L3MBTL2: variants seen among roughly 807,000 people sequenced by gnomAD.
The protein encoded by L3MBTL2 is L3MBTL histone methyl-lysine binding protein 2.
In L3MBTL2, 49 loss-of-function variants were observed where a neutral mutation model predicts 86.4. The ratio of observed to expected loss-of-function variants is 0.57; its 90% CI spans 0.45 to 0.72. The LOEUF (loss-of-function observed/expected upper bound fraction) is 0.72, where lower values mean the gene tolerates loss of function less well. L3MBTL2 is among the 30% of genes least tolerant of loss of function. The pLI, the probability that L3MBTL2 is intolerant of heterozygous loss-of-function variation, is 0.00. For missense variants in L3MBTL2, 755 were observed against 923.7 expected (o/e 0.82, Z 2.37); for synonymous variants, 336 against 350.6 (o/e 0.96, Z 0.47).
intron 1 of L3MBTL2, among the ~76,000 whole-genome samples, chr22:41,206,915 G>A (rs1292786139): frequency 1.3e-5 from 2 of 152,130 alleles, no homozygotes; most frequent in East Asian, 3.9e-4. Context: ...TAATCATGTG[G>A]AGAATAAGAA....
At position 41,209,800 on chromosome 22, in the gene L3MBTL2, G is replaced by A; in HGVS notation, c.129G>A (p.Glu43=). ...FRSYNSSVGS[E]SSSYLEESSE... is the part of the protein sequence containing the mutation. ...GTTATAACAGCAGTGTGGGCAGTGAGAGCAGCTCCTATCTGGAGGAGTCAA... is the reference window on the plus strand; with the variant it reads ...GTTATAACAGCAGTGTGGGCAGTGAAAGCAGCTCCTATCTGGAGGAGTCAA... The change falls in exon 2 of 17, where the codon GAG becomes GAA. Residue 43 remains glutamate, a synonymous_variant. Coordinates refer to ENST00000216237, the MANE Select transcript of L3MBTL2 (RefSeq NM_031488.5). 5 of 1,614,232 alleles carry A rather than the reference G, an allele frequency of 3.1e-6. No individual in the cohort carries two copies. Among genetic ancestry groups the A allele is most frequent in the Admixed American group, 1.7e-5 (1 of 60,012 alleles).
intron 15 of L3MBTL2, among the ~76,000 whole-genome samples, chr22:41,229,019 A>G (rs1362748269): frequency 6.6e-6 from 1 of 152,126 alleles, no homozygotes; most frequent in Admixed American, 6.5e-5. Context: ...GCACTTTGAG[A>G]GGCTGAGGTG....
rs141223031 is a variant in L3MBTL2, at chr22:41,213,334, CTTTTT to C, written c.263-555_263-551del. Among the ~76,000 whole-genome samples the C allele has an allele frequency of 9.8e-3, 1,488 of 151,814 alleles. 30 individuals carry two copies. Among genetic ancestry groups the C allele is most frequent in the African/African-American group, 0.034 (1,407 of 41,392 alleles). On this transcript the variant is annotated intron_variant, in intron 2 of 16. Coordinates refer to ENST00000216237, the MANE Select transcript of L3MBTL2 (RefSeq NM_031488.5). ...CTTTTTCTTCCTATAAATTTTTTCG[CTTTTT>C]TTTGAGACAGTGTCTTACTTTGTTG... is the stretch of plus-strand genomic sequence containing the variant.
In L3MBTL2 at chr22:41,225,804, A is replaced by T; in HGVS notation, c.1367A>T (p.Asp456Val). 1 of 1,611,816 alleles carries T rather than the reference A, an allele frequency of 6.2e-7. No individual in the cohort carries two copies. The highest frequency in any genetic ancestry group is 2.2e-5 in the East Asian group (1 of 44,774). ...CCCCCCACCCCCCAGGTTCTCCTGG[A>T]TGGATACCTGATGATCTGTGTGGAC... ...CVATVCKVLL[D>V]GYLMICVDGG... The change falls in exon 12 of 17, where the codon GAT becomes GTT. Residue 456 changes from aspartate (D) to valine (V), a missense_variant. Transcript: ENST00000216237. This position sits in a 1 kb window ranked among gnomAD's most constrained non-coding sequence, Gnocchi z 4.1.
At position 41,225,695 on chromosome 22, in the gene L3MBTL2, G is replaced by A. The variant is rs2032133970; in HGVS notation, c.1357-99G>A. 7.6e-7 allele frequency: 1 copy of A among 1,307,724 alleles called. No individual in the cohort carries two copies. The highest frequency in any genetic ancestry group is 1.4e-5 in the South Asian group (1 of 69,882). 81.0% of individuals were successfully genotyped at this position (1,307,724 alleles called of 1,614,324 possible). A position where few individuals can be genotyped will look rare whatever the true frequency, so the allele number is the denominator to read the frequency against. ...GGAGGGCCATGCCCTAGATCCGTTT[G>A]GATCCATTTGCCTCGTGTCCCTATT... On this transcript the variant is annotated intron_variant, in intron 11 of 16. Transcript: ENST00000216237. This position sits in a 1 kb window ranked among gnomAD's most constrained non-coding sequence, Gnocchi z 4.1.
intron 7 of L3MBTL2, 52 bp downstream of exon 7, chr22:41,220,920 G>GGACTCTCCCTCTACCA: frequency 6.3e-7 from 1 of 1,578,340 alleles, no homozygotes; most frequent in Non-Finnish European, 8.7e-7. Flanking sequence ...CCCTGGTAGA[G>GGACTCTCCCTCTACCA]GGAGAGTCCT....
Position 41,225,689 on chromosome 22 carries a change from C to G in L3MBTL2, c.1357-105C>G. The G allele has an allele frequency of 1.6e-6, 2 of 1,232,222 alleles. No homozygotes were observed. Among genetic ancestry groups the G allele is most frequent in the Non-Finnish European group, 1.1e-6 (1 of 886,094 alleles). 76.3% of individuals were successfully genotyped at this position (1,232,222 alleles called of 1,614,324 possible). On this transcript the variant is annotated intron_variant, in intron 11 of 16. Transcript: ENST00000216237. This position sits in a 1 kb window ranked among gnomAD's most constrained non-coding sequence, Gnocchi z 4.1. ...CCTCCAGGAGGGCCATGCCCTAGAT[C>G]CGTTTGGATCCATTTGCCTCGTGTC...
chr22:41,214,117 A>T, intron 3 of L3MBTL2, 91 bp downstream of exon 3: 1 of 1,374,696 alleles, frequency 7.3e-7, no homozygotes, highest in Non-Finnish European at 1.0e-6. Flanking sequence ...GGAAAGTTTG[A>T]AAAGGTCCTT....
At chr22:41,214,965 C>T (rs12159912) in intron 3 of L3MBTL2, among the ~76,000 whole-genome samples, 20 of 151,384 alleles carry the variant, frequency 1.3e-4, no homozygotes, top group African/African-American at 4.9e-4. Context: ...GAGCCGAGAT[C>T]GTGCCACTGC....
At chr22:41,206,447 A>C (rs1428389274) in intron 1 of L3MBTL2, among the ~76,000 whole-genome samples, 6 of 152,008 alleles carry the variant, frequency 3.9e-5, no homozygotes, top group Non-Finnish European at 7.4e-5. Flanking sequence ...TCAGCCTCCT[A>C]AGTAGCTGGG....
chr22:41,230,093 CAGAG>C, intron 16 of L3MBTL2, 42 bp from the exon 17 acceptor site: 7 of 965,760 alleles, frequency 7.2e-6, no homozygotes, highest in South Asian at 5.9e-5. Flanking sequence ...CCACCCCTCC[CAGAG>C]TTATTTACTC....
At chr22:41,221,707 C>T (rs748351917) in intron 8 of L3MBTL2, among the ~76,000 whole-genome samples, 27 of 150,166 alleles carry the variant, frequency 1.8e-4, no homozygotes, top group Non-Finnish European at 3.3e-4. Flanking sequence ...CCTGGGTTCA[C>T]GCCATTCTCC....
At chr22:41,222,744 A>C (rs1330683626) in intron 8 of L3MBTL2, among the ~76,000 whole-genome samples, 1 of 152,170 alleles carries the variant, frequency 6.6e-6, no homozygotes, top group Non-Finnish European at 1.5e-5. Context: ...ACATGATGAA[A>C]CCCTGTCTTT....
At position 41,225,112 on chromosome 22, in the gene L3MBTL2, C is replaced by G. The variant is rs780008445; in HGVS notation, c.1356+41C>G. 6.5e-7 allele frequency: 1 copy of G among 1,534,336 alleles called. No homozygotes were observed. Among genetic ancestry groups the G allele is most frequent in the Non-Finnish European group, 9.0e-7 (1 of 1,117,020 alleles). ...GCTCTCCAGCCTCCAGATTTCTGAG[C>G]GGGGGGACCCATGTGGCCCAGAGCT... is the stretch of plus-strand genomic sequence containing the variant. On this transcript the variant is annotated intron_variant, in intron 11 of 16. Transcript: ENST00000216237. The surrounding 1 kb of genome is among the most constrained non-coding windows in gnomAD (Gnocchi z 4.1).
At position 41,230,233 on chromosome 22, in the gene L3MBTL2, G is replaced by A. The variant is rs750626823; in HGVS notation, c.2100G>A (p.Lys700=). The A allele has an allele frequency of 1.4e-5, 23 of 1,612,910 alleles. No homozygotes were observed. The South Asian group carries it at 2.5e-4, about 18-fold the overall frequency. ...PELPVSVENI[K]QETDD ...TGCCTGTCTCCGTCGAGAACATCAA[G>A]CAGGAAACAGACGACTGAGCCTTCC... The change falls in exon 17 of 17, where the codon AAG becomes AAA. Residue 700 remains lysine, a synonymous_variant. Coordinates refer to ENST00000216237, the MANE Select transcript of L3MBTL2 (RefSeq NM_031488.5).
chr22:41,220,883 A>C lies in L3MBTL2; in HGVS notation c.853+15A>C, dbSNP rs1427292230. 6.2e-7 allele frequency: 1 copy of C among 1,607,712 alleles called. No homozygotes were observed. The highest frequency in any genetic ancestry group is 1.1e-5 in the South Asian group (1 of 90,924). ...GCCCCCACGGAGTGAGTTGATGAGA[A>C]CATTTCCTCTCTTGTTCCCGTAGGG... is the stretch of plus-strand genomic sequence containing the variant. On this transcript the variant is annotated intron_variant, in intron 7 of 16. Transcript: ENST00000216237.
chr22:41,213,214 C>T (rs6002286), intron 2 of L3MBTL2, among the ~76,000 whole-genome samples: 150 of 152,174 alleles, frequency 9.9e-4, no homozygotes, highest in Non-Finnish European at 4.3e-4. Context: ...AGCAAGGCTC[C>T]GTCTCAAAAA....
At chr22:41,226,633 C>T in intron 12 of L3MBTL2, 29 bp from the exon 13 acceptor site, 1 of 1,529,038 alleles carries the variant, frequency 6.5e-7, no homozygotes, top group Non-Finnish European at 9.1e-7. Flanking sequence ...CCCCCTCTCC[C>T]TCTGCATCTG....
At chr22:41,212,902 A>G (rs2031014458) in intron 2 of L3MBTL2, among the ~76,000 whole-genome samples, 2 of 151,544 alleles carry the variant, frequency 1.3e-5, no homozygotes, top group Non-Finnish European at 2.9e-5. Flanking sequence ...TCTCAAAAAA[A>G]AAAAAAAGTG....
Sources: gnomAD v4.1 joint callset for allele counts (sites outside exome capture counted in the v4.1 genomes callset) on GRCh38, gnomAD v4.1.1 for gene constraint, Gnocchi (gnomAD v3.1) non-coding constraint, MANE v1.5 for transcripts, NCBI Gene and HGNC (gene_info 2026-07-23, HGNC 2026-07-21) for gene names.